DMD: variants seen among roughly 807,000 people sequenced by gnomAD.
The protein encoded by DMD is mutant dystrophin.
Under a neutral mutation model 330.1 loss-of-function variants are expected in DMD, and 63 were observed. The observed-to-expected ratio is 0.19, with a 90% CI of 0.16 to 0.24. The LOEUF (loss-of-function observed/expected upper bound fraction) is 0.24, where lower values mean the gene tolerates loss of function less well. Among genes scored for constraint, DMD ranks in the 10% least tolerant of loss-of-function variants. The pLI is 1.00. For missense variants in DMD, 3,344 were observed against 2,684.1 expected (o/e 1.25, Z -5.43); for synonymous variants, 1,223 against 959.8 (o/e 1.27, Z -5.07).
At chrX:32,326,012 G>T (rs2097648944) in intron 41 of DMD, among the ~76,000 whole-genome samples, 1 of 111,347 alleles carries the variant, frequency 9.0e-6, no homozygotes. Flanking sequence ...CTTTTTGTTT[G>T]CATTTGAAAT....
rs149088759 is a variant in DMD, at chrX:32,682,805, G to T, written c.960+15065C>A. Among the ~76,000 whole-genome samples, 602 of 111,668 alleles carry T rather than the reference G, an allele frequency of 5.4e-3. 10 individuals carry two copies. Among genetic ancestry groups the T allele is most frequent in the African/African-American group, 0.019 (571 of 30,785 alleles). On this transcript the variant is annotated intron_variant, in intron 9 of 78. Transcript: ENST00000357033. ...TGAGACCATGTAACTAGTTGTGCTC[G>T]TGAGTTGTGAACTGAAGCAGATATG...
At position 33,105,306 on chromosome X, in the gene DMD, A is replaced by T. The variant is rs2095275945; in HGVS notation, c.32-85106T>A. Among the ~76,000 whole-genome samples, 3 of 111,786 alleles carry T rather than the reference A, an allele frequency of 2.7e-5. No individual in the cohort carries two copies. In the Admixed American group the frequency reaches 2.9e-4, roughly 11 times the overall value. ...GGAGGATTAAAGACTTAAGTCTAAG[A>T]CCTGAAACCATAAAACTCCTCAAAG... is the stretch of plus-strand genomic sequence containing the variant. On this transcript the variant is annotated intron_variant, in intron 1 of 78. Transcript: ENST00000357033.
At chrX:32,515,989 G>T (rs1474299162) in intron 18 of DMD, among the ~76,000 whole-genome samples, 4 of 111,020 alleles carry the variant, frequency 3.6e-5, no homozygotes, top group Non-Finnish European at 7.5e-5. Context: ...AAATTGAACT[G>T]ATAATGGCCT....
At chrX:31,907,762 C>G (rs992189975) in intron 47 of DMD, among the ~76,000 whole-genome samples, 2 of 111,870 alleles carry the variant, frequency 1.8e-5, no homozygotes, top group African/African-American at 6.5e-5. Flanking sequence ...AAAGAAAGTA[C>G]CATCAGAGTG....
intron 60 of DMD, among the ~76,000 whole-genome samples, chrX:31,397,729 G>A (rs1434695737): frequency 8.9e-6 from 1 of 112,433 alleles, no homozygotes. Flanking sequence ...GAAACATAAT[G>A]CAAAATTGTA....
intron 17 of DMD, among the ~76,000 whole-genome samples, chrX:32,524,346 A>G (rs1483470519): frequency 1.8e-5 from 2 of 112,024 alleles, no homozygotes; most frequent in Non-Finnish European, 3.8e-5. Flanking sequence ...CATAAAGCAT[A>G]TACTAAGTGC....
chrX:32,644,311 C>G lies in DMD; in HGVS notation c.1152G>C (p.Gly384=), dbSNP rs1170501945. The change falls in exon 11 of 79, where the codon GGG becomes GGC. Residue 384 remains glycine, a splice_region_variant and synonymous_variant. Transcript: ENST00000357033. ...VVKDQFHTHE[G]YMMDLTAHQG... is the part of the protein sequence containing the mutation. ...GATGGGCTGTCAAATCCATCATGTA[C>G]CCCTGACAAAGAAGGAAGTTAACAA... is the stretch of plus-strand genomic sequence containing the variant. The G allele has an allele frequency of 1.7e-6, 2 of 1,209,812 alleles. No individual in the cohort carries two copies. Among genetic ancestry groups the G allele is most frequent in the South Asian group, 3.5e-5 (2 of 56,908 alleles).
intron 48 of DMD, among the ~76,000 whole-genome samples, chrX:31,864,761 G>A (rs1044464309): frequency 2.7e-5 from 3 of 111,321 alleles, no homozygotes; most frequent in Non-Finnish European, 5.7e-5. Context: ...AAAGTCCTAG[G>A]GTTACAGACG....
chrX:32,526,638 T>A (rs1455973765), intron 17 of DMD, among the ~76,000 whole-genome samples: 2 of 111,718 alleles, frequency 1.8e-5, no homozygotes, highest in Non-Finnish European at 3.8e-5. Context: ...GTTAATTACA[T>A]CCCATATGGT....
At chrX:31,867,387 T>C (rs1231742116) in intron 48 of DMD, among the ~76,000 whole-genome samples, 2 of 111,115 alleles carry the variant, frequency 1.8e-5, no homozygotes, top group Non-Finnish European at 3.8e-5. Context: ...TGAAATCTTT[T>C]ATTGTCATCT....
At chrX:33,327,316 T>C (rs2054102544) in intron 1 of DMD, among the ~76,000 whole-genome samples, 1 of 111,868 alleles carries the variant, frequency 8.9e-6, no homozygotes, top group Non-Finnish European at 1.9e-5. Flanking sequence ...ATCTGTGGAA[T>C]GCTTCTCCAA....
In DMD at chrX:32,280,573, G is replaced by A. The variant is rs778454072; in HGVS notation, c.6290+6956C>T. Among the ~76,000 whole-genome samples the A allele has an allele frequency of 1.5e-4, 17 of 111,023 alleles. No individual in the cohort carries two copies. In the Admixed American group the frequency reaches 1.5e-3, roughly 10 times the overall value. On this transcript the variant is annotated intron_variant, in intron 43 of 78. Coordinates refer to ENST00000357033, the MANE Select transcript of DMD (RefSeq NM_004006.3). ...AGACTGCAATGATAATCCTTCGTGA[G>A]TTGTCAGCATCCTGTATGTGCTTAT...
intron 76 of DMD, among the ~76,000 whole-genome samples, chrX:31,135,542 T>C (rs2035113730): frequency 8.9e-6 from 1 of 111,809 alleles, no homozygotes; most frequent in Non-Finnish European, 1.9e-5. Flanking sequence ...GAGAGAATGA[T>C]GATCTGGAAG....
chrX:32,490,246 A>T (rs765513563), intron 20 of DMD, among the ~76,000 whole-genome samples: 1 of 111,841 alleles, frequency 8.9e-6, no homozygotes, highest in Admixed American at 9.5e-5. Context: ...CTAAACGTTC[A>T]TCCTGGAAAC....
intron 62 of DMD, among the ~76,000 whole-genome samples, chrX:31,302,373 G>A (rs2054715988): frequency 9.0e-6 from 1 of 111,296 alleles, no homozygotes; most frequent in Non-Finnish European, 1.9e-5. Context: ...GGAAAAGAAA[G>A]ACAATATGCA....
chrX:31,816,531 G>A (rs1169089950), intron 50 of DMD, among the ~76,000 whole-genome samples: 2 of 110,373 alleles, frequency 1.8e-5, no homozygotes, highest in Non-Finnish European at 3.8e-5. Flanking sequence ...AGTCAAGGTG[G>A]CTCATGCCTG....
chrX:33,173,451 C>A (rs2049468915), intron 1 of DMD, among the ~76,000 whole-genome samples: 1 of 110,728 alleles, frequency 9.0e-6, no homozygotes, highest in African/African-American at 3.3e-5. Flanking sequence ...TGTATCGTAC[C>A]CCAAAAACAT....
At chrX:33,194,704 T>C in intron 1 of DMD, among the ~76,000 whole-genome samples, 1 of 111,072 alleles carries the variant, frequency 9.0e-6, no homozygotes, top group Middle Eastern at 4.7e-3. Flanking sequence ...TCAGAGGGCC[T>C]ACTACTTCAG....
chrX:32,708,417 C>T (rs1330770340), intron 7 of DMD, among the ~76,000 whole-genome samples: 3 of 110,611 alleles, frequency 2.7e-5, no homozygotes, highest in African/African-American at 9.9e-5. Context: ...TGGTAAAATT[C>T]ACTAATTTCC....
Sources: allele counts gnomAD v4.1 joint callset (sites outside exome capture counted in the v4.1 genomes callset), GRCh38; gene constraint gnomAD v4.1.1; transcripts MANE v1.5; gene names NCBI Gene and HGNC (gene_info 2026-07-23, HGNC 2026-07-21).